The following SPOCK1 variants were observed in gnomAD, a reference collection of about 807,000 sequenced individuals.
SPOCK1 encodes the protein SPARC (osteonectin), cwcv and kazal like domains proteoglycan 1.
Under a neutral mutation model 55.3 loss-of-function variants are expected in SPOCK1, and 23 were observed. The ratio of observed to expected loss-of-function variants is 0.42; its 90% CI spans 0.30 to 0.59. The LOEUF is 0.59. Ranked by LOEUF, SPOCK1 falls within the 20% of genes least tolerant of loss-of-function variation. The probability of loss-of-function intolerance (pLI) is 0.22; values close to 1 mark genes in which losing one functional copy is unlikely to be tolerated. For missense variants in SPOCK1, 499 were observed against 552.5 expected (o/e 0.90, Z 0.97); for synonymous variants, 226 against 221.0 (o/e 1.02, Z -0.20).
Position 137,430,187 on chromosome 5 carries a change from C to T in SPOCK1, c.186+68186G>A, listed in dbSNP as rs533765934. On this transcript the variant is annotated intron_variant, in intron 2 of 10. Transcript: ENST00000394945. Reference sequence around the variant, plus strand: ...CAGAGCCACATGGCAGGTGATCCATCTTAAAAAGATGACATTGCTGGCTGA... The same window carrying T: ...CAGAGCCACATGGCAGGTGATCCATTTTAAAAAGATGACATTGCTGGCTGA... 5.3e-5 allele frequency among the ~76,000 whole-genome samples: 8 copies of T among 152,342 alleles called. No homozygotes were observed. In the South Asian group the frequency reaches 1.7e-3, roughly 32 times the overall value.
At chr5:137,283,631 C>G (rs1757208095) in intron 2 of SPOCK1, among the ~76,000 whole-genome samples, 1 of 152,092 alleles carries the variant, frequency 6.6e-6, no homozygotes, top group Non-Finnish European at 1.5e-5. Flanking sequence ...AGGAGAATCA[C>G]TTGAACCCAG....
chr5:137,309,552 A>C (rs17171352), intron 2 of SPOCK1, among the ~76,000 whole-genome samples: 5,268 of 152,294 alleles, frequency 0.035, 295 homozygotes, highest in African/African-American at 0.12. Context: ...GACATGCACT[A>C]AACACATCCT....
chr5:137,327,862 A>G (rs1339144843), intron 2 of SPOCK1, among the ~76,000 whole-genome samples: 1 of 152,226 alleles, frequency 6.6e-6, no homozygotes, highest in Non-Finnish European at 1.5e-5. Flanking sequence ...CCTTCCTAAC[A>G]TGGGAAATAA....
At chr5:137,349,145 C>T (rs1284310986) in intron 2 of SPOCK1, among the ~76,000 whole-genome samples, 1 of 152,210 alleles carries the variant, frequency 6.6e-6, no homozygotes, top group Middle Eastern at 3.2e-3. Flanking sequence ...ATACATGTGG[C>T]TCTCAATAGA....
chr5:137,398,013 T>C (rs1255726029), intron 2 of SPOCK1, among the ~76,000 whole-genome samples: 1 of 152,096 alleles, frequency 6.6e-6, no homozygotes, highest in African/African-American at 2.4e-5. Context: ...AGGATGGCGA[T>C]GGTAGGGTCA....
chr5:137,492,192 T>A (rs372408477), intron 2 of SPOCK1, among the ~76,000 whole-genome samples: 5 of 152,162 alleles, frequency 3.3e-5, no homozygotes, highest in East Asian at 3.9e-4. Flanking sequence ...AACCCAGACT[T>A]GGACACATAA....
chr5:137,361,288 C>T (rs1433179292), intron 2 of SPOCK1, among the ~76,000 whole-genome samples: 2 of 152,188 alleles, frequency 1.3e-5, no homozygotes, highest in Non-Finnish European at 2.9e-5. Context: ...GCAGCCTGAG[C>T]TATGACAATG....
chr5:137,155,523 T>C (rs1754399647), intron 3 of SPOCK1, among the ~76,000 whole-genome samples: 1 of 152,206 alleles, frequency 6.6e-6, no homozygotes, highest in Non-Finnish European at 1.5e-5. Context: ...AACTGATACA[T>C]GGCACTCCAT....
intron 5 of SPOCK1, among the ~76,000 whole-genome samples, chr5:137,075,423 G>A (rs1286349932): frequency 6.6e-6 from 1 of 152,162 alleles, no homozygotes; most frequent in Non-Finnish European, 1.5e-5. Context: ...CTGTATCCAG[G>A]CTGGCTTACA....
At chr5:137,436,195 G>A (rs1311974904) in intron 2 of SPOCK1, among the ~76,000 whole-genome samples, 2 of 152,082 alleles carry the variant, frequency 1.3e-5, no homozygotes, top group Non-Finnish European at 2.9e-5. Context: ...ATGGAGAAAT[G>A]AGTCATTTTC....
intron 8 of SPOCK1, among the ~76,000 whole-genome samples, chr5:136,986,719 A>G (rs763952148): frequency 1.3e-4 from 19 of 151,614 alleles, no homozygotes; most frequent in Non-Finnish European, 2.2e-4. Flanking sequence ...TTCAGTTACA[A>G]TGGTAGCAAT....
intron 3 of SPOCK1, among the ~76,000 whole-genome samples, chr5:137,163,247 T>C (rs1754591616): frequency 6.6e-6 from 1 of 152,104 alleles, no homozygotes; most frequent in Non-Finnish European, 1.5e-5. Flanking sequence ...AATATAGCAG[T>C]AAATGGAAAA....
At chr5:137,290,955 A>T (rs1034054639) in intron 2 of SPOCK1, among the ~76,000 whole-genome samples, 7 of 152,220 alleles carry the variant, frequency 4.6e-5, no homozygotes, top group Admixed American at 4.6e-4. Context: ...TGCATAAAAC[A>T]TCTCAATTGA....
At chr5:137,248,825 T>C (rs1302621148) in intron 3 of SPOCK1, among the ~76,000 whole-genome samples, 1 of 152,242 alleles carries the variant, frequency 6.6e-6, no homozygotes, top group Non-Finnish European at 1.5e-5. Flanking sequence ...CAATTCTCCC[T>C]TAGGCTTTGA....
intron 5 of SPOCK1, among the ~76,000 whole-genome samples, chr5:137,094,189 G>C (rs957515378): frequency 6.6e-6 from 1 of 152,138 alleles, no homozygotes. Flanking sequence ...TAGCAGATTG[G>C]GGGAAACACT....
intron 2 of SPOCK1, among the ~76,000 whole-genome samples, chr5:137,421,729 G>GAT (rs1419175645): frequency 6.6e-6 from 1 of 152,178 alleles, no homozygotes; most frequent in Non-Finnish European, 1.5e-5. Context: ...ATAGCACACT[G>GAT]ATGGGTCTTG....
chr5:137,065,495 T>C (rs1439397081), intron 6 of SPOCK1, among the ~76,000 whole-genome samples: 2 of 152,162 alleles, frequency 1.3e-5, no homozygotes, highest in East Asian at 1.9e-4. Context: ...AACAGACTCA[T>C]TGGTGCAGGC....
At chr5:137,093,231 C>A (rs1753079929) in intron 5 of SPOCK1, among the ~76,000 whole-genome samples, 1 of 152,116 alleles carries the variant, frequency 6.6e-6, no homozygotes, top group South Asian at 2.1e-4. Flanking sequence ...TGATCCTGTG[C>A]TCTCTTTGTC....
chr5:137,309,678 C>T (rs955263642), intron 2 of SPOCK1, among the ~76,000 whole-genome samples: 5 of 152,122 alleles, frequency 3.3e-5, no homozygotes, highest in African/African-American at 1.2e-4. Context: ...AAATCCTGGT[C>T]CTGCCACTTA....
Sources: gnomAD v4.1 joint callset for allele counts (sites outside exome capture counted in the v4.1 genomes callset) on GRCh38, gnomAD v4.1.1 for gene constraint, MANE v1.5 for transcripts, NCBI Gene and HGNC (gene_info 2026-07-23, HGNC 2026-07-21) for gene names.